Variants in RIMS2 observed in about 807,000 individuals in gnomAD.
RIMS2 encodes the protein regulating synaptic membrane exocytosis 2.
Under a neutral mutation model 174.4 loss-of-function variants are expected in RIMS2, and 59 were observed. The observed-to-expected ratio is 0.34, with a 90% CI of 0.27 to 0.42. The LOEUF (loss-of-function observed/expected upper bound fraction) is 0.42. Among genes scored for constraint, RIMS2 ranks in the 10% least tolerant of loss-of-function variants. The pLI, the probability that RIMS2 is intolerant of heterozygous loss-of-function variation, is 1.00. For synonymous variants in RIMS2, 606 were observed against 572.5 expected, an observed-to-expected ratio of 1.06 and a Z score of -0.84; for missense variants, 1,620 against 1,666.3, an observed-to-expected ratio of 0.97 and a Z score of 0.48.
chr8:104,055,474 A>G (rs2096853243), intron 19 of RIMS2, among the ~76,000 whole-genome samples: 2 of 152,204 alleles, frequency 1.3e-5, no homozygotes, highest in South Asian at 4.1e-4. Flanking sequence ...GGAATAGTCA[A>G]TTAACACAAT....
At chr8:103,537,426 T>C (rs1840331976) in intron 1 of RIMS2, among the ~76,000 whole-genome samples, 1 of 152,236 alleles carries the variant, frequency 6.6e-6, no homozygotes, top group Non-Finnish European at 1.5e-5. Context: ...AGAGATATTG[T>C]TAAGGATATG....
At chr8:103,583,500 A>C (rs1479883771) in intron 1 of RIMS2, among the ~76,000 whole-genome samples, 1 of 152,222 alleles carries the variant, frequency 6.6e-6, no homozygotes, top group Admixed American at 6.5e-5. Context: ...CACAAAATTT[A>C]AAATAGTTGT....
intron 3 of RIMS2, chr8:103,768,252 G>T: frequency 2.0e-6 from 1 of 500,176 alleles, no homozygotes; most frequent in Non-Finnish European, 3.7e-6. Context: ...CTTTTTCGTG[G>T]TGCCTTGGAG....
At chr8:103,802,511 A>C (rs2098618630) in intron 3 of RIMS2, among the ~76,000 whole-genome samples, 1 of 152,226 alleles carries the variant, frequency 6.6e-6, no homozygotes, top group Non-Finnish European at 1.5e-5. Flanking sequence ...ATAATGGATA[A>C]GGACTACAAA....
At chr8:103,680,553 C>T (rs1246164187) in intron 1 of RIMS2, among the ~76,000 whole-genome samples, 1 of 151,944 alleles carries the variant, frequency 6.6e-6, no homozygotes, top group Non-Finnish European at 1.5e-5. Flanking sequence ...AAGTATTTGA[C>T]TACCTCAAAA....
chr8:103,750,820 A>G (rs911347799), intron 2 of RIMS2, among the ~76,000 whole-genome samples: 1 of 152,114 alleles, frequency 6.6e-6, no homozygotes, highest in East Asian at 1.9e-4. Context: ...GCAAAGTGGA[A>G]CTGTGAGTCA....
chr8:103,566,987 C>G (rs2092408651), intron 1 of RIMS2, among the ~76,000 whole-genome samples: 1 of 152,172 alleles, frequency 6.6e-6, no homozygotes, highest in Admixed American at 6.6e-5. Context: ...CGTTAGCACT[C>G]AACTCCTCCC....
intron 7 of RIMS2, 106 bp from the exon 11 acceptor site, chr8:103,916,308 T>C: frequency 1.3e-6 from 1 of 751,358 alleles, no homozygotes; most frequent in Non-Finnish European, 2.1e-6. Flanking sequence ...TATTGTATAA[T>C]GGTTATTTTA....
intron 19 of RIMS2, among the ~76,000 whole-genome samples, chr8:104,230,400 C>A (rs2099219416): frequency 6.6e-6 from 1 of 152,076 alleles, no homozygotes; most frequent in Admixed American, 6.5e-5. Flanking sequence ...AATCTCAGCA[C>A]TTTGGGAGGC....
At chr8:103,769,690 C>T (rs539011857) in intron 3 of RIMS2, among the ~76,000 whole-genome samples, 33 of 152,146 alleles carry the variant, frequency 2.2e-4, no homozygotes, top group Non-Finnish European at 3.5e-4. Context: ...TTCTTTAATG[C>T]CTCTTTCACT....
chr8:103,622,951 C>A (rs576139189), intron 1 of RIMS2, among the ~76,000 whole-genome samples: 1 of 152,328 alleles, frequency 6.6e-6, no homozygotes, highest in African/African-American at 2.4e-5. Context: ...TCAAAGGAAC[C>A]TGCTGTCACA....
intron 3 of RIMS2, among the ~76,000 whole-genome samples, chr8:103,804,317 TG>T (rs1455584880): frequency 6.6e-6 from 1 of 152,200 alleles, no homozygotes; most frequent in Non-Finnish European, 1.5e-5. Flanking sequence ...CATATAGGTT[TG>T]ACCCTGCAGA....
chr8:103,694,310 G>C (rs2097070418), intron 1 of RIMS2, among the ~76,000 whole-genome samples: 1 of 152,160 alleles, frequency 6.6e-6, no homozygotes, highest in Non-Finnish European at 1.5e-5. Flanking sequence ...AAACCTGAAG[G>C]AAGCCTGGAG....
chr8:103,527,715 T>A (rs1217902514), intron 1 of RIMS2, among the ~76,000 whole-genome samples: 2 of 152,222 alleles, frequency 1.3e-5, no homozygotes, highest in African/African-American at 4.8e-5. Context: ...ACAAAGGACA[T>A]GAACTCATCC....
rs755755743 is a variant in RIMS2 at position 103,918,452 on chromosome 8, G to A, written c.2048G>A (p.Arg683Gln). ...TTTAATCATTTCAGAGATATACCGC[G>A]AATACCTGATAGCACACATGCACAA... The change falls in exon 9 of 24, where the codon CGA becomes CAA. Residue 683 changes from arginine to glutamine, a missense_variant. Arg to Gln is a conservative substitution (Grantham distance 43). Coordinates refer to ENST00000504942, the Ensembl canonical transcript of RIMS2. 1.7e-5 allele frequency: 27 copies of A among 1,582,782 alleles called. No homozygotes were observed. Among genetic ancestry groups the A allele is most frequent in the Non-Finnish European group, 2.2e-5 (25 of 1,162,404 alleles).
rs147363295 is a variant in RIMS2, at chr8:103,750,121, A to G, written c.388-16106A>G. Among the ~76,000 whole-genome samples, 324 of 152,124 alleles carry G rather than the reference A, an allele frequency of 2.1e-3. 1 individual carries two copies. Among genetic ancestry groups the G allele is most frequent in the African/African-American group, 5.1e-3 (212 of 41,470 alleles). ...AGTCTGTGCTATAGCACTTTTTTCA[A>G]TCTGGCCCAACTGGATTCACTGCAT... On this transcript the variant is annotated intron_variant, in intron 2 of 23. Coordinates refer to ENST00000504942, the Ensembl canonical transcript of RIMS2.
chr8:103,820,606 A>G (rs12544763), intron 3 of RIMS2, among the ~76,000 whole-genome samples: 23,870 of 151,862 alleles, frequency 0.16, 1,982 homozygotes, highest in Middle Eastern at 0.24. Flanking sequence ...CAAATGAAAA[A>G]AAGGCTTTTA....
intron 1 of RIMS2, among the ~76,000 whole-genome samples, chr8:103,503,178 G>T (rs1374314808): frequency 6.6e-6 from 1 of 151,804 alleles, no homozygotes; most frequent in African/African-American, 2.4e-5. Context: ...TCTTAGAAAG[G>T]AGTCTTACCT....
chr8:103,568,947 T>A, intron 1 of RIMS2: 1 of 750,320 alleles, frequency 1.3e-6, no homozygotes, highest in Non-Finnish European at 2.3e-6. Context: ...TGAAAGCGAG[T>A]TCATGGTGTC....
Sources: allele counts gnomAD v4.1 joint callset (sites outside exome capture counted in the v4.1 genomes callset), GRCh38; gene constraint gnomAD v4.1.1; transcripts MANE v1.5; gene names NCBI Gene and HGNC (gene_info 2026-07-23, HGNC 2026-07-21).